Variants in RUVBL1 observed in about 807,000 individuals in gnomAD.
The protein encoded by RUVBL1 is ruvB-like 1.
A neutral mutation model predicts 52.4 loss-of-function variants in RUVBL1; 4 were observed. The observed-to-expected ratio is 0.08, with a 90% confidence interval of 0.04 to 0.17. The LOEUF is 0.17. Ranked by LOEUF, RUVBL1 falls within the 10% of genes least tolerant of loss-of-function variation. RUVBL1 has a pLI of 1.00. For missense variants in RUVBL1, 298 were observed against 572.8 expected, an observed-to-expected ratio of 0.52 and a Z score of 4.90; for synonymous variants, 217 against 214.4, an observed-to-expected ratio of 1.01 and a Z score of -0.10.
intron 1 of RUVBL1, among the ~76,000 whole-genome samples, chr3:128,149,907 C>T (rs1407367639): frequency 3.9e-5 from 6 of 152,264 alleles, no homozygotes; most frequent in African/African-American, 1.4e-4. Flanking sequence ...CACCACCAGG[C>T]TAAAACCATA....
chr3:128,145,475 T>C (rs116600777), intron 1 of RUVBL1, among the ~76,000 whole-genome samples: 1 of 152,284 alleles, frequency 6.6e-6, no homozygotes, highest in African/African-American at 2.4e-5. Context: ...GACATGGAGG[T>C]AGCCAATCCA....
At chr3:128,090,818 G>A (rs572964535) in intron 8 of RUVBL1, among the ~76,000 whole-genome samples, 92 of 152,088 alleles carry the variant, frequency 6.0e-4, no homozygotes, top group African/African-American at 2.2e-3. Context: ...TGGTAATTTT[G>A]AGGAAATCCT....
At chr3:128,079,691 G>T (rs1040875229), downstream of RUVBL1, among the ~76,000 whole-genome samples, 2 of 152,218 alleles carry the variant, frequency 1.3e-5, no homozygotes, top group African/African-American at 4.8e-5. Flanking sequence ...GGCCGAGGGA[G>T]AAGATTCACT....
At chr3:128,065,892 T>C (rs1291219576) in intron 9 of RUVBL1, among the ~76,000 whole-genome samples, 1 of 151,780 alleles carries the variant, frequency 6.6e-6, no homozygotes, top group Non-Finnish European at 1.5e-5. Context: ...CAGGTGCCTG[T>C]CACCACGCCC....
At position 128,113,631 on chromosome 3, in the gene RUVBL1, T is replaced by C. The variant is rs749233243; in HGVS notation, c.229-611A>G. 9.3e-4 allele frequency among the ~76,000 whole-genome samples: 142 copies of C among 152,354 alleles called. 1 individual carries two copies. Among genetic ancestry groups the C allele is most frequent in the Non-Finnish European group, 1.4e-3 (93 of 68,044 alleles). On this transcript the variant is annotated intron_variant, in intron 2 of 10. Coordinates refer to ENST00000322623, the MANE Select transcript of RUVBL1 (RefSeq NM_003707.3). ...ATAGTTATTATATTGTATTTTTAAG[T>C]ATGTATTATTTTTGTTATTGTATTT...
intron 1 of RUVBL1, among the ~76,000 whole-genome samples, chr3:128,122,431 G>A (rs777685527): frequency 3.9e-5 from 6 of 152,196 alleles, no homozygotes; most frequent in Admixed American, 1.3e-4. Context: ...ATACTAAAGC[G>A]GGGAAGGGAC....
intron 5 of RUVBL1, 32 bp downstream of exon 5, chr3:128,101,527 G>C (rs754654704): frequency 1.3e-6 from 2 of 1,597,004 alleles, no homozygotes; most frequent in South Asian, 2.2e-5. Flanking sequence ...AAACAAATCA[G>C]GGACAATGCT....
chr3:128,150,742 TATTA>T (rs1459276454), intron 1 of RUVBL1, among the ~76,000 whole-genome samples: 1 of 115,822 alleles, frequency 8.6e-6, no homozygotes, highest in East Asian at 2.3e-4. Flanking sequence ...ATATATTCTA[TATTA>T]TATATTCTCT....
intron 1 of RUVBL1, among the ~76,000 whole-genome samples, chr3:128,121,254 C>T (rs1943640370): frequency 6.6e-6 from 1 of 151,678 alleles, no homozygotes; most frequent in Non-Finnish European, 1.5e-5. Flanking sequence ...TACCACCACA[C>T]CCGGCTAATT....
intron 7 of RUVBL1, 136 bp downstream of exon 7, chr3:128,098,746 C>A: frequency 1.3e-6 from 1 of 741,904 alleles, no homozygotes; most frequent in Admixed American, 2.1e-5. Flanking sequence ...TAGAGTCAAG[C>A]TCTAAGCTAT....
At chr3:128,130,610 AAAAATTT>A (rs1193514023) in intron 1 of RUVBL1, among the ~76,000 whole-genome samples, 3,857 of 140,740 alleles carry the variant, frequency 0.027, 139 homozygotes, top group South Asian at 0.075. Context: ...AAAAAAAAAA[AAAAATTT>A]TATTTATTTA....
chr3:128,094,905 TCAC>T (rs997605563), intron 8 of RUVBL1, among the ~76,000 whole-genome samples: 1 of 152,222 alleles, frequency 6.6e-6, no homozygotes, highest in Non-Finnish European at 1.5e-5. Context: ...GACATTATTA[TCAC>T]CACTACAACA....
chr3:128,101,592 C>T lies in RUVBL1; in HGVS notation c.570G>A (p.Val190=), dbSNP rs761799203. The part of the protein sequence containing the change: ...LQKERVEAGD[V]IYIEANSGAV... ...CCCCACTGTTGGCTTCAATGTAAATCACATCTCCAGCTTCTACTCGCTCTT... is the reference window on the plus strand; with the variant it reads ...CCCCACTGTTGGCTTCAATGTAAATTACATCTCCAGCTTCTACTCGCTCTT... Residue 190 remains valine, a synonymous_variant, in exon 5 of 11, where the codon GTG becomes GTA. Coordinates refer to ENST00000322623, the MANE Select transcript of RUVBL1 (RefSeq NM_003707.3). 6.8e-6 allele frequency: 11 copies of T among 1,613,956 alleles called. No homozygotes were observed. The African/African-American group carries it at 1.2e-4, about 18-fold the overall frequency.
intron 4 of RUVBL1, 122 bp downstream of exon 4, chr3:128,104,651 G>A: frequency 1.3e-6 from 1 of 791,010 alleles, no homozygotes; most frequent in Non-Finnish European, 1.9e-6. Context: ...CCAATTCTGT[G>A]AGAAATCAAT....
At chr3:128,115,578 T>C (rs942864698) in intron 2 of RUVBL1, among the ~76,000 whole-genome samples, 1 of 152,158 alleles carries the variant, frequency 6.6e-6, no homozygotes, top group Non-Finnish European at 1.5e-5. Flanking sequence ...GACAAACTTA[T>C]AAGGTAATAC....
intron 2 of RUVBL1, among the ~76,000 whole-genome samples, chr3:128,113,538 T>A (rs901261093): frequency 2.0e-5 from 3 of 152,248 alleles, no homozygotes; most frequent in Non-Finnish European, 4.4e-5. Context: ...ATATAACCTA[T>A]GCACATCCTC....
intron 3 of RUVBL1, 129 bp from the exon 4 acceptor site, chr3:128,105,053 G>A: frequency 3.4e-6 from 3 of 895,198 alleles, no homozygotes; most frequent in Non-Finnish European, 4.9e-6. Flanking sequence ...GTGTCATGAT[G>A]GGTAAAAAGG....
downstream of RUVBL1, among the ~76,000 whole-genome samples, chr3:128,077,706 G>T (rs939201401): frequency 2.0e-5 from 3 of 152,244 alleles, no homozygotes; most frequent in Non-Finnish European, 4.4e-5. Flanking sequence ...CCCTGAGCCA[G>T]TGCTGGCCCC....
chr3:128,125,353 A>T (rs951044179), upstream of RUVBL1, among the ~76,000 whole-genome samples: 6 of 152,084 alleles, frequency 3.9e-5, no homozygotes, highest in Non-Finnish European at 8.8e-5. Flanking sequence ...TAACATTTGA[A>T]TCTAGGTTTC....
Sources: gnomAD v4.1 joint callset for allele counts (sites outside exome capture counted in the v4.1 genomes callset) on GRCh38, gnomAD v4.1.1 for gene constraint, MANE v1.5 for transcripts, NCBI Gene and HGNC (gene_info 2026-07-23, HGNC 2026-07-21) for gene names.